Variants in RBFOX1 observed in about 807,000 individuals in gnomAD.
RBFOX1 encodes RNA binding fox-1 homolog 1, also known as RNA binding protein fox-1 homolog 1.
RBFOX1 carries 8 observed loss-of-function variants against 57.7 expected under a neutral mutation model. That is an observed-to-expected ratio of 0.14 (90% CI 0.08 to 0.25). The LOEUF is 0.25. Ranked by LOEUF, RBFOX1 falls within the 10% of genes least tolerant of loss-of-function variation. The pLI is 1.00. For missense variants in RBFOX1, 611 were observed against 548.5 expected, an observed-to-expected ratio of 1.11 and a Z score of -1.14; for synonymous variants, 326 against 222.4, an observed-to-expected ratio of 1.47 and a Z score of -4.15.
chr16:6,369,374 G>T (rs1343947220), intron 2 of RBFOX1, among the ~76,000 whole-genome samples: 1 of 152,150 alleles, frequency 6.6e-6, no homozygotes, highest in East Asian at 1.9e-4. Flanking sequence ...TTAAAAAATG[G>T]AAAAACATTG....
At chr16:5,260,497 T>C (rs112881629) in intron 1 of RBFOX1, among the ~76,000 whole-genome samples, 24 of 152,336 alleles carry the variant, frequency 1.6e-4, no homozygotes, top group African/African-American at 5.5e-4. Context: ...CTGAAGGAAC[T>C]GGTCAACTCA....
intron 3 of RBFOX1, among the ~76,000 whole-genome samples, chr16:7,025,650 G>A (rs2040687557): frequency 6.6e-6 from 1 of 152,062 alleles, no homozygotes; most frequent in African/African-American, 2.4e-5. Flanking sequence ...GATAGAGGGG[G>A]GCACCTCTTC....
intron 2 of RBFOX1, among the ~76,000 whole-genome samples, chr16:6,555,827 A>G (rs1312455101): frequency 6.6e-6 from 1 of 152,126 alleles, no homozygotes; most frequent in Non-Finnish European, 1.5e-5. Flanking sequence ...TATTCTAGAC[A>G]TTTTCTTACT....
At chr16:6,289,260 G>T (rs1209334768) in intron 1 of RBFOX1, among the ~76,000 whole-genome samples, 1 of 152,090 alleles carries the variant, frequency 6.6e-6, no homozygotes, top group Non-Finnish European at 1.5e-5. Flanking sequence ...GTGGATATAG[G>T]ATGGAAAGGT....
chr16:6,805,258 G>C (rs970064718), intron 3 of RBFOX1, among the ~76,000 whole-genome samples: 1 of 152,102 alleles, frequency 6.6e-6, no homozygotes, highest in African/African-American at 2.4e-5. Context: ...TGGAGCTTGA[G>C]GCCATTTTCC....
intron 2 of RBFOX1, among the ~76,000 whole-genome samples, chr16:5,552,926 G>A (rs1047423575): frequency 1.3e-5 from 2 of 152,070 alleles, no homozygotes; most frequent in African/African-American, 4.8e-5. Flanking sequence ...AATTCAAAAG[G>A]CAAGGTGTAT....
rs529381458 is a variant in RBFOX1, at chr16:7,614,732, C to G, written c.676+7394C>G. 58 of 152,282 alleles carry G rather than the reference C, an allele frequency of 3.8e-4. 3 individuals carry two copies. Among genetic ancestry groups the G allele is most frequent in the Admixed American group, 2.4e-3 (36 of 15,308 alleles). 9.4% of individuals were successfully genotyped at this position (152,282 alleles called of 1,614,324 possible). A position where few individuals can be genotyped will look rare whatever the true frequency, so the allele number is the denominator to read the frequency against. On this transcript the variant is annotated intron_variant, in intron 10 of 15. Transcript: ENST00000550418. ...TTGTCCACATAGTGAGAAACTCAAACCATCAACAACAGCAAGCCACTTGCA... is the reference window on the plus strand; with the variant it reads ...TTGTCCACATAGTGAGAAACTCAAAGCATCAACAACAGCAAGCCACTTGCA...
At chr16:7,568,759 CA>C (rs2092418781) in intron 5 of RBFOX1, among the ~76,000 whole-genome samples, 1 of 151,568 alleles carries the variant, frequency 6.6e-6, no homozygotes, top group African/African-American at 2.4e-5. Flanking sequence ...TGGTGGCGGG[CA>C]CTTGTAGTGC....
intron 3 of RBFOX1, among the ~76,000 whole-genome samples, chr16:6,661,480 A>G (rs2154098745): frequency 6.6e-6 from 1 of 152,354 alleles, no homozygotes; most frequent in East Asian, 1.9e-4. Context: ...AGGCCAATGC[A>G]TTAGGGTTCT....
At chr16:7,707,101 G>C (rs143831945) in intron 14 of RBFOX1, among the ~76,000 whole-genome samples, 5 of 152,272 alleles carry the variant, frequency 3.3e-5, no homozygotes, top group Non-Finnish European at 7.3e-5. Context: ...ATCCCTTCAG[G>C]TCCTTGTTTG....
At chr16:5,300,959 C>A (rs918160368) in intron 1 of RBFOX1, among the ~76,000 whole-genome samples, 1 of 152,122 alleles carries the variant, frequency 6.6e-6, no homozygotes, top group African/African-American at 2.4e-5. Context: ...TTGTCCTGAT[C>A]ATTCTTTCTA....
intron 12 of RBFOX1, among the ~76,000 whole-genome samples, chr16:7,654,319 G>A (rs2065806275): frequency 1.3e-5 from 2 of 152,174 alleles, no homozygotes; most frequent in South Asian, 4.1e-4. Flanking sequence ...TTCCTCCACA[G>A]AAAGAAGTGA....
chr16:7,656,490 A>ATCT (rs1226846252), intron 12 of RBFOX1, among the ~76,000 whole-genome samples: 1 of 151,978 alleles, frequency 6.6e-6, no homozygotes, highest in East Asian at 2.0e-4. Context: ...AAGAACCCCT[A>ATCT]TGTTGTGTTC....
At chr16:7,429,233 G>T (rs1480111369) in intron 4 of RBFOX1, among the ~76,000 whole-genome samples, 2 of 152,150 alleles carry the variant, frequency 1.3e-5, no homozygotes, top group African/African-American at 2.4e-5. Context: ...CCTCTCTCTG[G>T]TCACCCCTTC....
rs980557574 is a variant in RBFOX1, at chr16:7,014,415, AT to A, written c.-15-37633del. ...TATTTTTTTGTTTTTATTTTATTTTATTTTTTTTTAAAGTAGGGGTGGGGTT... is the reference window on the plus strand; with the variant it reads ...TATTTTTTTGTTTTTATTTTATTTTATTTTTTTTAAAGTAGGGGTGGGGTT... On this transcript the variant is annotated intron_variant, in intron 3 of 15. Coordinates refer to ENST00000550418, the MANE Select transcript of RBFOX1 (RefSeq NM_018723.4). Among the ~76,000 whole-genome samples the A allele has an allele frequency of 3.0e-4, 44 of 148,882 alleles. No homozygotes were observed. In the East Asian group the frequency reaches 3.0e-3, roughly 10 times the overall value.
chr16:7,477,787 A>C (rs9931012), intron 4 of RBFOX1, among the ~76,000 whole-genome samples: 2,559 of 152,262 alleles, frequency 0.017, 97 homozygotes, highest in African/African-American at 0.059. Flanking sequence ...ATAACCACAC[A>C]GCTGGGGGGA....
chr16:6,384,901 C>T (rs1459954486), intron 2 of RBFOX1, among the ~76,000 whole-genome samples: 3 of 152,148 alleles, frequency 2.0e-5, no homozygotes, highest in African/African-American at 7.2e-5. Flanking sequence ...TCTGCAGGGG[C>T]TGGTACCAGG....
intron 3 of RBFOX1, among the ~76,000 whole-genome samples, chr16:5,826,482 T>C (rs886442259): frequency 6.6e-6 from 1 of 152,230 alleles, no homozygotes; most frequent in Admixed American, 6.5e-5. Context: ...GTGACCTATA[T>C]GGTCGCTGTC....
At chr16:6,769,202 G>T (rs1295918549) in intron 3 of RBFOX1, among the ~76,000 whole-genome samples, 1 of 152,096 alleles carries the variant, frequency 6.6e-6, no homozygotes, top group African/African-American at 2.4e-5. Context: ...GAGATCCGAT[G>T]GTTTTATAAA....
Sources: allele counts gnomAD v4.1 joint callset (sites outside exome capture counted in the v4.1 genomes callset), GRCh38; gene constraint gnomAD v4.1.1; transcripts MANE v1.5; gene names NCBI Gene and HGNC (gene_info 2026-07-23, HGNC 2026-07-21).